The following PCDHGB3 variants were observed in gnomAD, a reference collection of about 807,000 sequenced individuals.
PCDHGB3 encodes the protein protocadherin gamma subfamily B, 3.
PCDHGB3 carries 40 observed loss-of-function variants against 59.2 expected under a neutral mutation model. The ratio of observed to expected loss-of-function variants is 0.68; its 90% CI spans 0.52 to 0.88. The LOEUF (loss-of-function observed/expected upper bound fraction) is 0.88. PCDHGB3 is among the 40% of genes least tolerant of loss of function. The probability of loss-of-function intolerance (pLI) is 0.00; values close to 1 mark genes in which losing one functional copy is unlikely to be tolerated. For missense variants in PCDHGB3, 1,309 were observed against 1,187.9 expected, an observed-to-expected ratio of 1.10 and a Z score of -1.50; for synonymous variants, 581 against 503.6, an observed-to-expected ratio of 1.15 and a Z score of -2.06.
intron 3 of PCDHGB3, among the ~76,000 whole-genome samples, chr5:141,509,518 T>A (rs1441963133): frequency 6.6e-6 from 1 of 152,170 alleles, no homozygotes; most frequent in Non-Finnish European, 1.5e-5. Context: ...GTTGATGATG[T>A]ATTGCACAGG....
At chr5:141,374,731 T>G in intron 1 of PCDHGB3, 1 of 1,610,684 alleles carries the variant, frequency 6.2e-7, no homozygotes, top group Non-Finnish European at 8.5e-7. Flanking sequence ...CTGCCATGGA[T>G]GGCGGCGACC....
Position 141,371,114 on chromosome 5 carries a change from A to G in PCDHGB3, c.720A>G (p.Pro240=). Residue 240 remains proline (P), a synonymous_variant, in exon 1 of 4, where the codon CCA becomes CCG. Transcript: ENST00000576222. ...VIVADANDNP[P]VFTQDMYRVN... ...TCGCAGATGCAAATGATAACCCCCCAGTATTTACTCAGGACATGTACAGGG... is the reference window on the plus strand; with the variant it reads ...TCGCAGATGCAAATGATAACCCCCCGGTATTTACTCAGGACATGTACAGGG... The G allele has an allele frequency of 6.2e-7, 1 of 1,613,878 alleles. No homozygotes were observed. The highest frequency in any genetic ancestry group is 8.5e-7 in the Non-Finnish European group (1 of 1,179,830).
chr5:141,418,504 A>T (rs761133198), intron 1 of PCDHGB3: 32 of 1,613,904 alleles, frequency 2.0e-5, no homozygotes, highest in Non-Finnish European at 2.7e-5. Context: ...TGACCGCCTT[A>T]GATGGTGGGG....
At chr5:141,439,506 C>G (rs2098117403) in intron 1 of PCDHGB3, among the ~76,000 whole-genome samples, 1 of 152,234 alleles carries the variant, frequency 6.6e-6, no homozygotes, top group Non-Finnish European at 1.5e-5. Flanking sequence ...GTCTTTCTCT[C>G]TGCTCTCAAC....
intron 1 of PCDHGB3, among the ~76,000 whole-genome samples, chr5:141,454,932 C>T (rs945154196): frequency 1.3e-5 from 2 of 150,768 alleles, no homozygotes; most frequent in African/African-American, 2.4e-5. Context: ...CTCAGCCTCC[C>T]GAGTAGCTGG....
intron 1 of PCDHGB3, chr5:141,404,892 A>G (rs2094580163): frequency 1.2e-6 from 2 of 1,613,880 alleles, no homozygotes; most frequent in African/African-American, 1.3e-5. Flanking sequence ...GTGGCTGTAC[A>G]GGACCATGGC....
In PCDHGB3 at chr5:141,432,887, T is replaced by G. The variant is rs146168033; in HGVS notation, c.2415+60078T>G. 2.8e-4 allele frequency: 451 copies of G among 1,614,156 alleles called. No individual in the cohort carries two copies. In the African/African-American group the frequency reaches 4.6e-3, roughly 17 times the overall value. ...CTGCGTCTTCCTGGCCTTCGTCATC[T>G]TGCTGCTGGCGCTCAGGCTGCGGCG... is the stretch of plus-strand genomic sequence containing the variant. On this transcript the variant is annotated intron_variant, in intron 1 of 3. Transcript: ENST00000576222. The surrounding 1 kb of genome is among the most constrained non-coding windows in gnomAD (Gnocchi z 6.0).
Position 141,505,374 on chromosome 5 carries a change from C to T in PCDHGB3, c.2475-19C>T. The T allele has an allele frequency of 2.5e-6, 4 of 1,614,004 alleles. No homozygotes were observed. Among genetic ancestry groups the T allele is most frequent in the Non-Finnish European group, 2.5e-6 (3 of 1,179,944 alleles). On this transcript the variant is annotated intron_variant, in intron 2 of 3. Coordinates refer to ENST00000576222, the MANE Select transcript of PCDHGB3 (RefSeq NM_018924.5). Reference sequence around the variant, plus strand: ...TGCCGGCCTGGGAGTCTGTGCTCACCATCCTACTCTCTCCCCAGCTCCCAA... The same window carrying T: ...TGCCGGCCTGGGAGTCTGTGCTCACTATCCTACTCTCTCCCCAGCTCCCAA...
chr5:141,510,804 T>C (rs965530116), intron 3 of PCDHGB3, 143 bp from the exon 4 acceptor site: 2 of 1,504,768 alleles, frequency 1.3e-6, no homozygotes, highest in Admixed American at 2.0e-5. Flanking sequence ...AGAGACTACC[T>C]TGGTGACCCC....
chr5:141,491,353 T>A lies in PCDHGB3; in HGVS notation c.2416-3454T>A. On this transcript the variant is annotated intron_variant, in intron 1 of 3. Coordinates refer to ENST00000576222, the MANE Select transcript of PCDHGB3 (RefSeq NM_018924.5). This position sits in a 1 kb window ranked among gnomAD's most constrained non-coding sequence, Gnocchi z 6.9. ...GGCTCTAGCGACCGTCAGTCTCTTATCCCTAGTCACCTTCACCTTTCTGTC... is the reference window on the plus strand; with the variant it reads ...GGCTCTAGCGACCGTCAGTCTCTTAACCCTAGTCACCTTCACCTTTCTGTC... The A allele has an allele frequency of 6.2e-7, 1 of 1,614,160 alleles. No homozygotes were observed. Among genetic ancestry groups the A allele is most frequent in the South Asian group, 1.1e-5 (1 of 91,080 alleles).
intron 1 of PCDHGB3, among the ~76,000 whole-genome samples, chr5:141,443,726 TAC>T: frequency 6.6e-6 from 1 of 152,262 alleles, no homozygotes; most frequent in Admixed American, 6.5e-5. Flanking sequence ...AAATTCCTCA[TAC>T]ATTTCCCTAT....
chr5:141,414,920 C>A (rs1222364302), intron 1 of PCDHGB3: 1 of 1,614,146 alleles, frequency 6.2e-7, no homozygotes, highest in South Asian at 1.1e-5. Flanking sequence ...GTGGAGCTGG[C>A]GCCCCGCTCC....
chr5:141,420,252 C>G (rs745697672), intron 1 of PCDHGB3: 2 of 1,576,604 alleles, frequency 1.3e-6, no homozygotes, highest in Non-Finnish European at 1.7e-6. Flanking sequence ...AGCGTTGAAG[C>G]AGATAAGAAG....
At position 141,486,209 on chromosome 5, in the gene PCDHGB3, A is replaced by C. The variant is rs749965379; in HGVS notation, c.2416-8598A>C. On this transcript the variant is annotated intron_variant, in intron 1 of 3. Transcript: ENST00000576222. The surrounding 1 kb of genome is among the most constrained non-coding windows in gnomAD (Gnocchi z 5.0). ...AGTGGATCTGCTGGACGTAAATGAC[A>C]ATGCCCCTTACATCACAGTGACCTC... 1 of 1,614,080 alleles carries C rather than the reference A, an allele frequency of 6.2e-7. No homozygotes were observed. Among genetic ancestry groups the C allele is most frequent in the South Asian group, 1.1e-5 (1 of 91,078 alleles).
intron 1 of PCDHGB3, among the ~76,000 whole-genome samples, chr5:141,447,978 C>T (rs759162070): frequency 1.1e-4 from 17 of 151,694 alleles, no homozygotes; most frequent in East Asian, 3.9e-4. Flanking sequence ...CCCAGCTACT[C>T]GGGAGGCTGA....
intron 3 of PCDHGB3, among the ~76,000 whole-genome samples, chr5:141,509,962 C>A (rs1186902807): frequency 2.0e-5 from 3 of 152,206 alleles, no homozygotes. Context: ...CGGGTATGGC[C>A]TTGGTCCTTC....
rs200545713 is a variant in PCDHGB3 at position 141,422,296 on chromosome 5, A to G, written c.2415+49487A>G. 133 of 1,550,704 alleles carry G rather than the reference A, an allele frequency of 8.6e-5. 1 individual carries two copies. The Admixed American group carries it at 2.1e-3, about 25-fold the overall frequency. ...AACTATCACCTCTTCTATTAATTCAATTCTGGAAAACTCTCCTCCAGGTAC... is the reference window on the plus strand; with the variant it reads ...AACTATCACCTCTTCTATTAATTCAGTTCTGGAAAACTCTCCTCCAGGTAC... On this transcript the variant is annotated intron_variant, in intron 1 of 3. Transcript: ENST00000576222.
rs780310968 is a variant in PCDHGB3 at position 141,414,168 on chromosome 5, T to G, written c.2415+41359T>G. The G allele has an allele frequency of 5.6e-6, 9 of 1,605,598 alleles. No individual in the cohort carries two copies. The African/African-American group carries it at 1.2e-4, about 21-fold the overall frequency. ...TACAAGCAGAAGATGGAGGAGCATA[T>G]CTTGCAACTGCAAAAGTGTTGATTA... On this transcript the variant is annotated intron_variant, in intron 1 of 3. Coordinates refer to ENST00000576222, the MANE Select transcript of PCDHGB3 (RefSeq NM_018924.5).
rs757755103 is a variant in PCDHGB3 at position 141,432,638 on chromosome 5, C to T, written c.2415+59829C>T. 1.2e-6 allele frequency: 2 copies of T among 1,613,810 alleles called. No homozygotes were observed. Among genetic ancestry groups the T allele is most frequent in the Non-Finnish European group, 8.5e-7 (1 of 1,179,930 alleles). ...GGTGGGTCTGCACACGGGCGAGGTG[C>T]GCACGGCGCGAGCCCTGCTGGACAG... is the stretch of plus-strand genomic sequence containing the variant. On this transcript the variant is annotated intron_variant, in intron 1 of 3. Transcript: ENST00000576222. The surrounding 1 kb of genome is among the most constrained non-coding windows in gnomAD (Gnocchi z 6.0).
Sources: allele counts gnomAD v4.1 joint callset (sites outside exome capture counted in the v4.1 genomes callset), GRCh38; gene constraint gnomAD v4.1.1; non-coding constraint Gnocchi (gnomAD v3.1); transcripts MANE v1.5; gene names NCBI Gene and HGNC (gene_info 2026-07-23, HGNC 2026-07-21).